The following FCMR variants were observed in gnomAD, a reference collection of about 807,000 sequenced individuals.
FCMR encodes the protein immunoglobulin mu Fc receptor.
Under a neutral mutation model 41.6 loss-of-function variants are expected in FCMR, and 34 were observed. The observed-to-expected ratio is 0.82, with a 90% CI of 0.62 to 1.09. FCMR has a LOEUF of 1.09. FCMR is among the 50% of genes least tolerant of loss of function. The pLI, the probability that FCMR is intolerant of heterozygous loss-of-function variation, is 0.00. For missense variants in FCMR, 496 were observed against 512.5 expected (o/e 0.97, Z 0.31); for synonymous variants, 209 against 211.8 (o/e 0.99, Z 0.12).
intron 1 of FCMR, among the ~76,000 whole-genome samples, chr1:206,916,544 G>A (rs570629065): frequency 8.5e-5 from 13 of 152,312 alleles, no homozygotes; most frequent in Middle Eastern, 3.4e-3. Context: ...GACCCTAGAC[G>A]GATGAAGTGC....
chr1:206,916,381 T>C (rs1206796895), intron 1 of FCMR, among the ~76,000 whole-genome samples: 1 of 152,136 alleles, frequency 6.6e-6, no homozygotes, highest in East Asian at 1.9e-4. Context: ...GGGGTGTGAA[T>C]GCCACTTTCC....
At chr1:206,908,786 G>A (rs1678790459) in intron 7 of FCMR, among the ~76,000 whole-genome samples, 1 of 152,088 alleles carries the variant, frequency 6.6e-6, no homozygotes. Context: ...TGGGCTCTGC[G>A]TGTTTTGGAC....
intron 7 of FCMR, chr1:206,908,308 CA>C (rs1271525231): frequency 9.3e-6 from 7 of 751,010 alleles, no homozygotes; most frequent in African/African-American, 1.7e-5. Flanking sequence ...GTGCGGGACC[CA>C]GGGGCAGCAG....
chr1:206,920,283 C>T (rs554224065), intron 1 of FCMR, among the ~76,000 whole-genome samples: 1 of 152,092 alleles, frequency 6.6e-6, no homozygotes, highest in Non-Finnish European at 1.5e-5. Flanking sequence ...GGGAAAACCC[C>T]GTCTCTACTA....
In FCMR at chr1:206,921,897, A is replaced by AG; in HGVS notation, c.-44dup. ...AAGGTCCATCCAAGAGCCCCTAGAG[A>AG]GGGGGATGGAGACACGCTGCTTACT... On this transcript the variant is annotated 5_prime_UTR_variant, in exon 1 of 8. Coordinates refer to ENST00000367091, the MANE Select transcript of FCMR (RefSeq NM_005449.5). The AG allele has an allele frequency of 6.3e-7, 1 of 1,576,714 alleles. No individual in the cohort carries two copies. The highest frequency in any genetic ancestry group is 8.7e-7 in the Non-Finnish European group (1 of 1,146,520).
rs757911655 is a variant in FCMR at position 206,921,843 on chromosome 1, C to T, written c.12G>A (p.Trp4Ter). The T allele has an allele frequency of 1.2e-6, 2 of 1,614,042 alleles. No homozygotes were observed. The highest frequency in any genetic ancestry group is 2.7e-5 in the African/African-American group (2 of 74,914). The part of the protein sequence containing the change: MDF[W>*]LWPLYFLPVS... ...CTGGCAGGAAGTAAAGTGGCCAAAG[C>T]CAGAAGTCCATTGTCCCTTCTAGAG... The change falls in exon 1 of 8, where the codon TGG becomes TGA. Residue 4 changes from tryptophan to a stop codon, truncating the protein, a stop_gained. Transcript: ENST00000367091. LOFTEE classifies it high-confidence loss of function.
Position 206,909,471 on chromosome 1 carries a change from G to T in FCMR, c.1035C>A (p.Ala345=). Reference sequence around the variant, plus strand: ...CAGGAGCGGAGCTTACCTGCAGCGGGGCGGGGGGCAACGGCGCTCCGGGGC... The same window carrying T: ...CAGGAGCGGAGCTTACCTGCAGCGGTGCGGGGGGCAACGGCGCTCCGGGGC... ...VPGPGAPLPP[A]PLQVSESPWL... The change falls in exon 7 of 8, where the codon GCC becomes GCA. Residue 345 remains alanine, a synonymous_variant. Transcript: ENST00000367091. This position sits in a 1 kb window ranked among gnomAD's most constrained non-coding sequence, Gnocchi z 5.0. 7.8e-7 allele frequency: 1 copy of T among 1,281,886 alleles called. No homozygotes were observed. Among genetic ancestry groups the T allele is most frequent in the Non-Finnish European group, 9.8e-7 (1 of 1,015,474 alleles). The allele number at this position is 1,281,886 out of a possible 1,614,324, so 79.4% of individuals were successfully genotyped here.
At chr1:206,919,502 G>A (rs1443610992) in intron 1 of FCMR, among the ~76,000 whole-genome samples, 2 of 152,110 alleles carry the variant, frequency 1.3e-5, no homozygotes, top group African/African-American at 4.8e-5. Context: ...AGGCTGAGGT[G>A]GGAGGATCAC....
Position 206,911,912 on chromosome 1 carries a change from G to A in FCMR, c.528C>T (p.His176=). ...PAQRGKVPPV[H]HSSPTTQITH... is the part of the protein sequence containing the mutation. ...TGATTTGGGTGGTGGGGGAGGAGTGGTGAACTGGAGGGACCTTGCCCCTTT... is the reference window on the plus strand; with the variant it reads ...TGATTTGGGTGGTGGGGGAGGAGTGATGAACTGGAGGGACCTTGCCCCTTT... Residue 176 remains histidine, a synonymous_variant, in exon 4 of 8, where the codon CAC becomes CAT. Coordinates refer to ENST00000367091, the MANE Select transcript of FCMR (RefSeq NM_005449.5). The A allele has an allele frequency of 1.9e-6, 3 of 1,606,016 alleles. No homozygotes were observed. The highest frequency in any genetic ancestry group is 2.5e-6 in the Non-Finnish European group (3 of 1,177,782).
chr1:206,909,741 A>C lies in FCMR; in HGVS notation c.969T>G (p.Arg323=). The C allele has an allele frequency of 2.1e-6, 3 of 1,461,682 alleles. No homozygotes were observed. Among genetic ancestry groups the C allele is most frequent in the Admixed American group, 2.7e-5 (1 of 37,084 alleles). The allele number at this position is 1,461,682 out of a possible 1,614,324, so 90.5% of individuals were successfully genotyped here. ...GCGGCTCACCTGCAGCGTCCGCTCC[A>C]CGAGCGCGCCGCGGGCAGGCGCTGT... ...NIYSACPRRA[R]GADAAGTGEA... Residue 323 remains arginine, a synonymous_variant, in exon 6 of 8, where the codon CGT becomes CGG. Transcript: ENST00000367091. The surrounding 1 kb of genome is among the most constrained non-coding windows in gnomAD (Gnocchi z 5.0).
At chr1:206,912,850 G>A in intron 3 of FCMR, 79 bp downstream of exon 3, 1 of 1,010,424 alleles carries the variant, frequency 9.9e-7, no homozygotes, top group South Asian at 1.3e-5. Flanking sequence ...TCTATGAACT[G>A]AACATAGACC....
chr1:206,905,199 T>A (rs755979720), intron 7 of FCMR, 52 bp from the exon 8 acceptor site: 36 of 1,606,650 alleles, frequency 2.2e-5, no homozygotes, highest in Non-Finnish European at 2.9e-5. Context: ...GATTTTAATA[T>A]CTCCCCAGGT....
At chr1:206,912,633 TAAA>T (rs1339132612) in intron 3 of FCMR, among the ~76,000 whole-genome samples, 1 of 152,208 alleles carries the variant, frequency 6.6e-6, no homozygotes, top group East Asian at 1.9e-4. Context: ...CAGTCATTCA[TAAA>T]AAGAGCTAGA....
At position 206,921,923 on chromosome 1, in the gene FCMR, C is replaced by T; in HGVS notation, c.-69G>A. On this transcript the variant is annotated 5_prime_UTR_variant, in exon 1 of 8. Coordinates refer to ENST00000367091, the MANE Select transcript of FCMR (RefSeq NM_005449.5). ...GGGGGATGGAGACACGCTGCTTACT[C>T]AGGAACCCTTCACAATCTGGAACTG... 1 of 1,400,974 alleles carries T rather than the reference C, an allele frequency of 7.1e-7. No individual in the cohort carries two copies. The highest frequency in any genetic ancestry group is 1.7e-5 in the Admixed American group (1 of 57,852). 86.8% of individuals were successfully genotyped at this position (1,400,974 alleles called of 1,614,324 possible).
intron 4 of FCMR, among the ~76,000 whole-genome samples, chr1:206,911,035 A>G (rs566690813): frequency 3.2e-4 from 48 of 152,216 alleles, no homozygotes; most frequent in African/African-American, 1.0e-3. Context: ...CTTGCCACAT[A>G]GTAGAGAATA....
intron 4 of FCMR, among the ~76,000 whole-genome samples, chr1:206,911,417 T>G (rs1678935885): frequency 6.6e-6 from 1 of 152,208 alleles, no homozygotes; most frequent in African/African-American, 2.4e-5. Flanking sequence ...GAAAGTAATT[T>G]TATATTACTA....
chr1:206,922,036 A>G, upstream of FCMR: 1 of 624,556 alleles, frequency 1.6e-6, no homozygotes, highest in Non-Finnish European at 2.9e-6. Flanking sequence ...CTCAGGCTAA[A>G]AAGAGAGTGC....
At chr1:206,907,596 C>G (rs1678721843) in intron 7 of FCMR, 23 of 688,592 alleles carry the variant, frequency 3.3e-5, no homozygotes, top group South Asian at 3.1e-4. Flanking sequence ...AAGGGATTTT[C>G]TTTTCCCAGG....
At chr1:206,910,508 G>C (rs1221593004) in intron 4 of FCMR, among the ~76,000 whole-genome samples, 168 bp from the exon 5 acceptor site, 2 of 152,158 alleles carry the variant, frequency 1.3e-5, no homozygotes, top group African/African-American at 4.8e-5. Context: ...ATGGAGTCAC[G>C]AAACTTGAAT....
Sources: allele counts gnomAD v4.1 joint callset (sites outside exome capture counted in the v4.1 genomes callset), GRCh38; gene constraint gnomAD v4.1.1; non-coding constraint Gnocchi (gnomAD v3.1); transcripts MANE v1.5; gene names NCBI Gene and HGNC (gene_info 2026-07-23, HGNC 2026-07-21).